The following DNAH10 variants were observed in gnomAD, a reference collection of about 807,000 sequenced individuals.
DNAH10 encodes the protein dynein axonemal heavy chain 10, also known as axonemal beta dynein heavy chain 10.
A neutral mutation model predicts 506.6 loss-of-function variants in DNAH10; 348 were observed. That is an observed-to-expected ratio of 0.69 (90% CI 0.63 to 0.75). DNAH10 has a LOEUF of 0.75. Ranked by LOEUF, DNAH10 falls within the 30% of genes least tolerant of loss-of-function variation. The pLI is 0.00. For missense variants in DNAH10, 5,179 were observed against 5,787.1 expected (o/e 0.89, Z 3.41); for synonymous variants, 2,059 against 2,198.6 (o/e 0.94, Z 1.78).
intron 24 of DNAH10, among the ~76,000 whole-genome samples, chr12:123,821,174 T>C (rs2136417402): frequency 6.6e-6 from 1 of 151,628 alleles, no homozygotes; most frequent in South Asian, 2.1e-4. Flanking sequence ...CACTTGAACC[T>C]GGGAGGTGGA....
At chr12:123,885,006 C>G (rs541595994) in intron 51 of DNAH10, among the ~76,000 whole-genome samples, 25 of 152,146 alleles carry the variant, frequency 1.6e-4, no homozygotes, top group Non-Finnish European at 2.8e-4. Flanking sequence ...AGGGCTGTCT[C>G]AATAAACCCA....
At chr12:123,899,298 G>A (rs556059877) in intron 56 of DNAH10, among the ~76,000 whole-genome samples, 6 of 152,164 alleles carry the variant, frequency 3.9e-5, no homozygotes, top group African/African-American at 1.4e-4. Flanking sequence ...CTCTCGCGAT[G>A]CCTGGCACAG....
chr12:123,827,226 TG>T (rs1960086635), intron 25 of DNAH10, among the ~76,000 whole-genome samples: 1 of 152,190 alleles, frequency 6.6e-6, no homozygotes, highest in African/African-American at 2.4e-5. Flanking sequence ...AACTCACATA[TG>T]TAATTTACAG....
chr12:123,864,767 T>C (rs1400276932), intron 40 of DNAH10, 37 bp downstream of exon 40: 9 of 1,569,500 alleles, frequency 5.7e-6, no homozygotes, highest in Non-Finnish European at 7.8e-6. Flanking sequence ...AACATAAATC[T>C]TTCTTGTAAT....
chr12:123,875,574 G>A (rs1403039250), intron 47 of DNAH10, 83 bp downstream of exon 47: 3 of 1,543,186 alleles, frequency 1.9e-6, no homozygotes, highest in East Asian at 4.5e-5. Flanking sequence ...ATCCATGTAG[G>A]CACAGCAGGG....
At position 123,851,359 on chromosome 12, in the gene DNAH10, G is replaced by GGC. The variant is rs1951166742; in HGVS notation, c.6291+283_6291+284insGC. On this transcript the variant is annotated intron_variant, in intron 35 of 78. Coordinates refer to ENST00000673944, the MANE Select transcript of DNAH10 (RefSeq NM_001372106.1). ...CTTCCAGACTGGGGACCTAGGATGT[G>GGC]TCAGCTCCATGTGGCTCTTCCAGAC... Among the ~76,000 whole-genome samples, 70 of 146,402 alleles carry GGC rather than the reference G, an allele frequency of 4.8e-4. 4 individuals carry two copies. The highest frequency in any genetic ancestry group is 1.5e-3 in the African/African-American group (56 of 38,214).
At chr12:123,935,203 C>T (rs1307679096) in intron 78 of DNAH10, 132 bp from the exon 79 acceptor site, 1 of 1,120,542 alleles carries the variant, frequency 8.9e-7, no homozygotes, top group Admixed American at 2.3e-5. Flanking sequence ...CTGAGCAGCC[C>T]CAGCCTTGTG....
In DNAH10 at chr12:123,928,962, G is replaced by A. The variant is rs1053588794; in HGVS notation, c.12307-313G>A. ...ATTCTCCGGGAAATTCTTTTGGAAA[G>A]GTTTTGTCATTCTCTGTCTCTCTCT... On this transcript the variant is annotated intron_variant, in intron 70 of 78. Coordinates refer to ENST00000673944, the MANE Select transcript of DNAH10 (RefSeq NM_001372106.1). The surrounding 1 kb of genome is among the most constrained non-coding windows in gnomAD (Gnocchi z 4.9). The A allele has an allele frequency of 1.6e-5, 8 of 485,168 alleles. No individual in the cohort carries two copies. Among genetic ancestry groups the A allele is most frequent in the African/African-American group, 1.2e-4 (6 of 49,764 alleles). The allele number at this position is 485,168 out of a possible 1,614,324, so 30.1% of individuals were successfully genotyped here.
At chr12:123,837,273 G>A (rs1251150040) in intron 28 of DNAH10, among the ~76,000 whole-genome samples, 1 of 151,206 alleles carries the variant, frequency 6.6e-6, no homozygotes, top group African/African-American at 2.4e-5. Flanking sequence ...GAACCCAGGA[G>A]GTGAAGGTTG....
chr12:123,817,133 A>G (rs1219774288), intron 21 of DNAH10, among the ~76,000 whole-genome samples: 3 of 137,770 alleles, frequency 2.2e-5, no homozygotes, highest in African/African-American at 5.6e-5. Context: ...TCTGCTTTTA[A>G]GAATTTTTTT....
At chr12:123,910,507 CAT>C in intron 58 of DNAH10, 27 bp from the exon 59 acceptor site, 2 of 1,602,096 alleles carry the variant, frequency 1.2e-6, no homozygotes, top group South Asian at 1.1e-5. Context: ...GCTTGCCACT[CAT>C]AAAAATTATT....
intron 53 of DNAH10, 122 bp from the exon 54 acceptor site, chr12:123,894,521 G>A: frequency 6.1e-6 from 5 of 824,002 alleles, no homozygotes; most frequent in South Asian, 1.7e-5. Flanking sequence ...GCCTCCCAAA[G>A]TGCTGGGATT....
chr12:123,933,975 G>A (rs576563076), intron 77 of DNAH10: 2 of 476,426 alleles, frequency 4.2e-6, no homozygotes, highest in Non-Finnish European at 7.4e-6. Flanking sequence ...GCTGGAAACT[G>A]CTGTTTCCCC....
chr12:123,830,795 A>T, intron 26 of DNAH10, 96 bp downstream of exon 26: 1 of 978,782 alleles, frequency 1.0e-6, no homozygotes, highest in Non-Finnish European at 1.4e-6. Flanking sequence ...AAAAAAAAAA[A>T]TTAGCTGAGC....
chr12:123,929,291 C>T lies in DNAH10; in HGVS notation c.12323C>T (p.Pro4108Leu). Reference sequence around the variant, plus strand: ...CTTCTGAAGGTTGTCACCGAGCCACCCAATGGGCTGAAACTCAACATGAGG... The same window carrying T: ...CTTCTGAAGGTTGTCACCGAGCCACTCAATGGGCTGAAACTCAACATGAGG... ...QKSLKVVTEP[P>L]NGLKLNMRAT... is the part of the protein sequence containing the mutation. Residue 4108 changes from proline (P) to leucine (L), a missense_variant, in exon 71 of 79, where the codon CCC (proline) becomes CTC (leucine). By Grantham distance (98) the Pro-to-Leu change is moderately conservative. Coordinates refer to ENST00000673944, the MANE Select transcript of DNAH10 (RefSeq NM_001372106.1). The T allele has an allele frequency of 6.3e-7, 1 of 1,597,328 alleles. No individual in the cohort carries two copies. The highest frequency in any genetic ancestry group is 8.5e-7 in the Non-Finnish European group (1 of 1,171,982).
chr12:123,857,181 C>T lies in DNAH10; in HGVS notation c.6564C>T (p.Tyr2188=), dbSNP rs1951427954. The stretch of plus-strand genomic sequence containing the variant: ...GGCTGGACTGCCCTCGCGTCCGCTA[C>T]CCTGACTTCAACGATGCGGTAGAGC... The part of the protein sequence containing the change: ...FPGLDCPRVR[Y]PDFNDAVEQV... Residue 2188 remains tyrosine, a synonymous_variant, in exon 37 of 79, where the codon TAC becomes TAT. Transcript: ENST00000673944. 2 of 1,608,940 alleles carry T rather than the reference C, an allele frequency of 1.2e-6. No individual in the cohort carries two copies. The highest frequency in any genetic ancestry group is 1.7e-4 in the Middle Eastern group (1 of 6,056).
chr12:123,934,708 T>C lies in DNAH10; in HGVS notation c.13565T>C (p.Val4522Ala). 1.2e-6 allele frequency: 2 copies of C among 1,613,866 alleles called. No homozygotes were observed. Among genetic ancestry groups the C allele is most frequent in the Non-Finnish European group, 1.7e-6 (2 of 1,179,846 alleles). Residue 4522 changes from valine to alanine, a missense_variant, in exon 78 of 79, where the codon GTT (valine) becomes GCT (alanine). Coordinates refer to ENST00000673944, the MANE Select transcript of DNAH10 (RefSeq NM_001372106.1). ...ATCAAGAGCAAACCCAAGGTGCTGGTTGTGGACCTGCCGATCCTGAAGATC... is the reference window on the plus strand; with the variant it reads ...ATCAAGAGCAAACCCAAGGTGCTGGCTGTGGACCTGCCGATCCTGAAGATC... ...CLIKSKPKVL[V>A]VDLPILKIIP...
chr12:123,871,688 C>G, intron 45 of DNAH10, 86 bp downstream of exon 45: 2 of 1,437,728 alleles, frequency 1.4e-6, no homozygotes, highest in East Asian at 2.5e-5. Context: ...GCACTGTGAT[C>G]TCACAGTTTC....
chr12:123,834,124 CTTT>C (rs1960876780), intron 27 of DNAH10, among the ~76,000 whole-genome samples: 1 of 152,110 alleles, frequency 6.6e-6, no homozygotes, highest in South Asian at 2.1e-4. Flanking sequence ...CCTTTCCTTG[CTTT>C]TTTGTTTGTT....
Sources: allele counts gnomAD v4.1 joint callset (sites outside exome capture counted in the v4.1 genomes callset), GRCh38; gene constraint gnomAD v4.1.1; non-coding constraint Gnocchi (gnomAD v3.1); transcripts MANE v1.5; gene names NCBI Gene and HGNC (gene_info 2026-07-23, HGNC 2026-07-21).